Variants in CTDSPL2 observed in about 807,000 individuals in gnomAD.
The protein encoded by CTDSPL2 is CTD small phosphatase like 2, also known as CTD small phosphatase-like protein 2.
A neutral mutation model predicts 60.0 loss-of-function variants in CTDSPL2; 5 were observed. The observed-to-expected ratio is 0.08, with a 90% confidence interval of 0.04 to 0.18. The LOEUF is 0.18. CTDSPL2 is among the 10% of genes least tolerant of loss of function. CTDSPL2 has a pLI of 1.00. For synonymous variants in CTDSPL2, 186 were observed against 189.3 expected, an observed-to-expected ratio of 0.98 and a Z score of 0.14; for missense variants, 370 against 548.8, an observed-to-expected ratio of 0.67 and a Z score of 3.26.
chr15:44,475,105 C>A (rs1198102991), intron 2 of CTDSPL2, among the ~76,000 whole-genome samples: 1 of 151,928 alleles, frequency 6.6e-6, no homozygotes, highest in Non-Finnish European at 1.5e-5. Flanking sequence ...AGGCAAAATA[C>A]CAAGTCCGGC....
chr15:44,495,660 G>A (rs1009120916), intron 5 of CTDSPL2, among the ~76,000 whole-genome samples: 20 of 152,074 alleles, frequency 1.3e-4, no homozygotes, highest in South Asian at 6.2e-4. Context: ...TGGTCCGGGC[G>A]CAGTGGCTCA....
chr15:44,482,990 G>A (rs2081054413), intron 2 of CTDSPL2, among the ~76,000 whole-genome samples: 1 of 151,892 alleles, frequency 6.6e-6, no homozygotes, highest in Admixed American at 6.6e-5. Context: ...GCTAGGTGCT[G>A]TGGCTCATGC....
At chr15:44,438,825 C>T (rs1371157059) in intron 1 of CTDSPL2, among the ~76,000 whole-genome samples, 1 of 152,130 alleles carries the variant, frequency 6.6e-6, no homozygotes, top group Non-Finnish European at 1.5e-5. Flanking sequence ...CAACCCACTA[C>T]CTCTTTAATC....
At chr15:44,479,615 C>T (rs1447358321) in intron 2 of CTDSPL2, among the ~76,000 whole-genome samples, 3 of 151,856 alleles carry the variant, frequency 2.0e-5, no homozygotes, top group Non-Finnish European at 4.4e-5. Context: ...TGCTGTGTTG[C>T]CCAAGCTGAT....
chr15:44,431,716 GTTTTTTTTTT>G (rs886785067), intron 1 of CTDSPL2, among the ~76,000 whole-genome samples: 4 of 133,662 alleles, frequency 3.0e-5, no homozygotes, highest in Non-Finnish European at 4.8e-5. Context: ...TTGTTTGTTT[GTTTTTTTTTT>G]TTTTTTTTTG....
At chr15:44,461,496 C>T (rs2080568745) in intron 2 of CTDSPL2, among the ~76,000 whole-genome samples, 1 of 151,372 alleles carries the variant, frequency 6.6e-6, no homozygotes, top group South Asian at 2.1e-4. Context: ...TGAGTTGATC[C>T]TCCCATCTCA....
rs184343356 is a variant in CTDSPL2, at chr15:44,527,049, A to C, written c.*2875A>C. 6.6e-6 allele frequency: 1 copy of C among 152,586 alleles called. No homozygotes were observed. The highest frequency in any genetic ancestry group is 1.5e-5 in the Non-Finnish European group (1 of 68,002). 9.5% of individuals were successfully genotyped at this position (152,586 alleles called of 1,614,324 possible). A position where few individuals can be genotyped will look rare whatever the true frequency, so the allele number is the denominator to read the frequency against. On this transcript the variant is annotated 3_prime_UTR_variant, in exon 13 of 13. Transcript: ENST00000260327. ...TAGCCCTCATCAGATTTATATCACC[A>C]TATTTCTCCTTGTGTCCTAAGAGAA...
chr15:44,434,695 C>T (rs567083554), intron 1 of CTDSPL2, among the ~76,000 whole-genome samples: 15 of 151,884 alleles, frequency 9.9e-5, no homozygotes, highest in African/African-American at 2.7e-4. Flanking sequence ...TCACTGTGCC[C>T]GGCCAAAAAC....
At chr15:44,441,137 G>A (rs953550981) in intron 1 of CTDSPL2, among the ~76,000 whole-genome samples, 1 of 152,130 alleles carries the variant, frequency 6.6e-6, no homozygotes, top group Admixed American at 6.6e-5. Flanking sequence ...TTGCCTCAGT[G>A]GTATTAGAGA....
At chr15:44,464,347 A>C (rs998278438) in intron 2 of CTDSPL2, among the ~76,000 whole-genome samples, 4 of 152,196 alleles carry the variant, frequency 2.6e-5, no homozygotes, top group Non-Finnish European at 5.9e-5. Context: ...AAAGTTACTT[A>C]GTTTTAAGTG....
intron 12 of CTDSPL2, among the ~76,000 whole-genome samples, 187 bp downstream of exon 12, chr15:44,521,593 C>A (rs1375587338): frequency 2.6e-5 from 4 of 152,072 alleles, no homozygotes; most frequent in African/African-American, 9.7e-5. Flanking sequence ...ATTGATTGAG[C>A]CTAGGAATTT....
chr15:44,503,117 A>C (rs1454089984), intron 8 of CTDSPL2, among the ~76,000 whole-genome samples: 6 of 152,212 alleles, frequency 3.9e-5, no homozygotes, highest in Admixed American at 3.3e-4. Context: ...TATATGGATA[A>C]AAAGTCATTT....
intron 2 of CTDSPL2, among the ~76,000 whole-genome samples, chr15:44,467,845 G>A (rs1423030270): frequency 6.6e-6 from 1 of 152,296 alleles, no homozygotes; most frequent in African/African-American, 2.4e-5. Flanking sequence ...GAAGTGCTGG[G>A]ATTACAGGCA....
chr15:44,474,578 A>G (rs559361862), intron 2 of CTDSPL2, among the ~76,000 whole-genome samples: 33 of 152,190 alleles, frequency 2.2e-4, no homozygotes, highest in African/African-American at 7.7e-4. Flanking sequence ...GCAATGGGCC[A>G]GGCTTGGTGG....
rs796951341 is a variant in CTDSPL2 at position 44,507,084 on chromosome 15, G to GT, written c.969+7282dup. Among the ~76,000 whole-genome samples, 910 of 137,796 alleles carry GT rather than the reference G, an allele frequency of 6.6e-3. 8 individuals carry two copies. Among genetic ancestry groups the GT allele is most frequent in the Middle Eastern group, 0.019 (4 of 210 alleles). 90.4% of individuals were successfully genotyped at this position (137,796 alleles called of 152,430 possible). A position where few individuals can be genotyped will look rare whatever the true frequency, so the allele number is the denominator to read the frequency against. On this transcript the variant is annotated intron_variant, in intron 8 of 12. Coordinates refer to ENST00000260327, the MANE Select transcript of CTDSPL2 (RefSeq NM_016396.3). ...GCCTGGCTTTTTTTGTTTGTTTTTTGTTTTTTTTTTTAAATAAGACTGAGT... is the reference window on the plus strand; with the variant it reads ...GCCTGGCTTTTTTTGTTTGTTTTTTGTTTTTTTTTTTTAAATAAGACTGAGT...
At chr15:44,432,131 A>ATCCC (rs2079872876) in intron 1 of CTDSPL2, among the ~76,000 whole-genome samples, 1 of 152,004 alleles carries the variant, frequency 6.6e-6, no homozygotes, top group Non-Finnish European at 1.5e-5. Context: ...TGTGGTGGGA[A>ATCCC]GCTTTGGCTG....
chr15:44,501,901 C>T, intron 8 of CTDSPL2: 1 of 425,036 alleles, frequency 2.4e-6, no homozygotes, highest in South Asian at 1.7e-5. Context: ...GTTAGGGTTC[C>T]CCCAGTTTTC....
chr15:44,428,517 G>C (rs1013707897), intron 1 of CTDSPL2, among the ~76,000 whole-genome samples: 43 of 152,212 alleles, frequency 2.8e-4, no homozygotes, highest in Middle Eastern at 3.2e-3. Context: ...TCACCCTAGT[G>C]GTGGCTGGAT....
In CTDSPL2 at chr15:44,433,227, A is replaced by G. The variant is rs1203825025; in HGVS notation, c.-25+5455A>G. 8.7e-5 allele frequency among the ~76,000 whole-genome samples: 13 copies of G among 148,992 alleles called. No homozygotes were observed. In the East Asian group the frequency reaches 2.7e-3, roughly 31 times the overall value. On this transcript the variant is annotated intron_variant, in intron 1 of 12. Transcript: ENST00000260327. ...CCACTAGCGGGGCTGAGTAGGGGGA[A>G]TTGCTTGAGCCCAGGAGGTTGAGGC...
Sources: gnomAD v4.1 joint callset for allele counts (sites outside exome capture counted in the v4.1 genomes callset) on GRCh38, gnomAD v4.1.1 for gene constraint, MANE v1.5 for transcripts, NCBI Gene and HGNC (gene_info 2026-07-23, HGNC 2026-07-21) for gene names.